The following NSD1 variants were observed in gnomAD, a reference collection of about 807,000 sequenced individuals.
The protein encoded by NSD1 is histone-lysine N-methyltransferase, H3 lysine-36 specific.
Under a neutral mutation model 242.7 loss-of-function variants are expected in NSD1, and 26 were observed. That is an observed-to-expected ratio of 0.11 (90% CI 0.08 to 0.15). The LOEUF (loss-of-function observed/expected upper bound fraction) is 0.15. Among genes scored for constraint, NSD1 ranks in the 10% least tolerant of loss-of-function variants. The pLI is 1.00. For synonymous variants in NSD1, 1,106 were observed against 1,178.1 expected, an observed-to-expected ratio of 0.94 and a Z score of 1.25; for missense variants, 2,495 against 3,272.8, an observed-to-expected ratio of 0.76 and a Z score of 5.80.
chr5:177,234,997 G>T lies in NSD1; in HGVS notation c.3797-824G>T, dbSNP rs574475611. 8.0e-4 allele frequency among the ~76,000 whole-genome samples: 122 copies of T among 152,156 alleles called. 1 individual carries two copies. The highest frequency in any genetic ancestry group is 2.9e-3 in the African/African-American group (122 of 41,510). On this transcript the variant is annotated intron_variant, in intron 5 of 22. Coordinates refer to ENST00000439151, the MANE Select transcript of NSD1 (RefSeq NM_022455.5). ...TTTATCAGCTGATACATGTATTCTC[G>T]TGATACTACTGTGCTGCTTAGCTAC...
intron 20 of NSD1, among the ~76,000 whole-genome samples, chr5:177,285,944 G>A (rs1759290603): frequency 6.6e-6 from 1 of 152,152 alleles, no homozygotes; most frequent in African/African-American, 2.4e-5. Flanking sequence ...TGCCCAGGCT[G>A]GAGTGCAGTG....
intron 2 of NSD1, among the ~76,000 whole-genome samples, chr5:177,140,838 G>A (rs1394046333): frequency 1.3e-5 from 2 of 152,138 alleles, no homozygotes; most frequent in Admixed American, 6.6e-5. Flanking sequence ...GGCAGATGAT[G>A]TCTAAGGCTT....
chr5:177,281,491 T>A (rs1758877946), intron 18 of NSD1, among the ~76,000 whole-genome samples: 1 of 152,092 alleles, frequency 6.6e-6, no homozygotes, highest in Non-Finnish European at 1.5e-5. Context: ...GTGCTGGGGA[T>A]GCACTAACCA....
intron 6 of NSD1, among the ~76,000 whole-genome samples, chr5:177,236,199 A>G (rs1765424335): frequency 6.6e-6 from 1 of 152,142 alleles, no homozygotes; most frequent in Non-Finnish European, 1.5e-5. Context: ...GAATATTGTT[A>G]TGATTTAATC....
intron 2 of NSD1, among the ~76,000 whole-genome samples, chr5:177,143,076 A>G (rs1168788479): frequency 1.3e-5 from 2 of 152,184 alleles, no homozygotes; most frequent in African/African-American, 4.8e-5. Context: ...TAATGAATGA[A>G]TGATGCTATT....
chr5:177,160,375 G>A (rs1208073090), intron 2 of NSD1, among the ~76,000 whole-genome samples: 1 of 151,628 alleles, frequency 6.6e-6, no homozygotes, highest in Non-Finnish European at 1.5e-5. Context: ...CTCTAGGCTC[G>A]CTGCAGCCTC....
At chr5:177,160,289 T>C (rs934983353) in intron 2 of NSD1, among the ~76,000 whole-genome samples, 6 of 152,056 alleles carry the variant, frequency 3.9e-5, no homozygotes, top group Non-Finnish European at 7.4e-5. Context: ...CATTTTTTAA[T>C]GTGTTTTTTT....
intron 14 of NSD1, among the ~76,000 whole-genome samples, chr5:177,267,080 A>G (rs973997405): frequency 2.6e-5 from 4 of 152,060 alleles, no homozygotes; most frequent in Non-Finnish European, 5.9e-5. Context: ...CTGTTCTCTA[A>G]CTCCTGACCT....
At chr5:177,138,123 G>A (rs553981005) in intron 2 of NSD1, among the ~76,000 whole-genome samples, 11 of 150,992 alleles carry the variant, frequency 7.3e-5, no homozygotes, top group African/African-American at 2.7e-4. Context: ...ACAAAAAACT[G>A]AAAATATTGG....
At chr5:177,265,903 T>C in intron 14 of NSD1, 1 of 1,469,644 alleles carries the variant, frequency 6.8e-7, no homozygotes, top group Non-Finnish European at 9.5e-7. Context: ...AGGTCAGGTC[T>C]TCCACCTTGA....
At chr5:177,279,853 G>A (rs745754615) in intron 17 of NSD1, among the ~76,000 whole-genome samples, 3 of 150,988 alleles carry the variant, frequency 2.0e-5, no homozygotes, top group East Asian at 1.9e-4. Flanking sequence ...TCCTGACCTC[G>A]TGATCCACCT....
intron 14 of NSD1, among the ~76,000 whole-genome samples, chr5:177,262,758 A>C (rs903855556): frequency 3.9e-5 from 6 of 152,244 alleles, no homozygotes; most frequent in Non-Finnish European, 8.8e-5. Context: ...AGACACCTGT[A>C]ATCCCAGCTA....
At chr5:177,190,651 A>G (rs894751518) in intron 2 of NSD1, among the ~76,000 whole-genome samples, 16 of 151,266 alleles carry the variant, frequency 1.1e-4, no homozygotes, top group Admixed American at 3.3e-4. Flanking sequence ...GTAGCTCTAT[A>G]TACAGGAGGA....
intron 2 of NSD1, among the ~76,000 whole-genome samples, chr5:177,163,431 G>A (rs752832529): frequency 6.6e-5 from 10 of 152,062 alleles, no homozygotes; most frequent in African/African-American, 9.7e-5. Flanking sequence ...ATGAGCCACC[G>A]CGCCCAGCCA....
intron 3 of NSD1, among the ~76,000 whole-genome samples, chr5:177,203,057 G>A (rs780685266): frequency 6.6e-6 from 1 of 151,902 alleles, no homozygotes; most frequent in Non-Finnish European, 1.5e-5. Flanking sequence ...AGGGAAGTAG[G>A]CATTCCATAA....
In NSD1 at chr5:177,296,802, G is replaced by T. The variant is rs995035754; in HGVS notation, c.*1343G>T. The T allele has an allele frequency of 3.0e-5, 7 of 233,224 alleles. No homozygotes were observed. Among genetic ancestry groups the T allele is most frequent in the Admixed American group, 5.6e-5 (1 of 17,784 alleles). 14.4% of individuals were successfully genotyped at this position (233,224 alleles called of 1,614,324 possible). On this transcript the variant is annotated 3_prime_UTR_variant, in exon 23 of 23. Coordinates refer to ENST00000439151, the MANE Select transcript of NSD1 (RefSeq NM_022455.5). ...GCTACCCTGCCCTACCATTCACCCAGCTCACAGACTGCCAACAGGAAGTGC... is the reference window on the plus strand; with the variant it reads ...GCTACCCTGCCCTACCATTCACCCATCTCACAGACTGCCAACAGGAAGTGC...
chr5:177,141,980 C>T (rs1756864571), intron 2 of NSD1, among the ~76,000 whole-genome samples: 2 of 152,058 alleles, frequency 1.3e-5, no homozygotes, highest in South Asian at 4.1e-4. Flanking sequence ...ACTACAGGCG[C>T]CCACCACCAT....
At chr5:177,259,952 GT>G (rs1363905361) in intron 13 of NSD1, 36 bp from the exon 14 acceptor site, 1 of 1,611,316 alleles carries the variant, frequency 6.2e-7, no homozygotes, top group Non-Finnish European at 8.5e-7. Flanking sequence ...TAATATTTTT[GT>G]TTTTCTTTTG....
chr5:177,189,567 T>C (rs34107631), intron 2 of NSD1, among the ~76,000 whole-genome samples: 35,516 of 152,130 alleles, frequency 0.23, 5,541 homozygotes, highest in Middle Eastern at 0.36. Context: ...ATTTAGGCTC[T>C]GGAGTTGTAT....
Sources: gnomAD v4.1 joint callset for allele counts (sites outside exome capture counted in the v4.1 genomes callset) on GRCh38, gnomAD v4.1.1 for gene constraint, MANE v1.5 for transcripts, NCBI Gene and HGNC (gene_info 2026-07-23, HGNC 2026-07-21) for gene names.